The following ZNF211 variants were observed in gnomAD, a reference collection of about 807,000 sequenced individuals.
The protein encoded by ZNF211 is zinc finger protein C2H2-25.
A neutral mutation model predicts 12.1 loss-of-function variants in ZNF211; 18 were observed. That is an observed-to-expected ratio of 1.48 (90% CI 1.03 to 2.20). The LOEUF (loss-of-function observed/expected upper bound fraction) is 2.20, where lower values mean the gene tolerates loss of function less well. Ranked by LOEUF, ZNF211 falls within the 30% of genes most tolerant of loss-of-function variation. ZNF211 has a pLI of 0.00. For synonymous variants in ZNF211, 249 were observed against 246.0 expected (o/e 1.01, Z -0.11); for missense variants, 677 against 703.1 (o/e 0.96, Z 0.42).
Position 57,641,123 on chromosome 19 carries a change from A to G in ZNF211, c.676A>G (p.Asn226Asp). 1 of 1,614,214 alleles carries G rather than the reference A, an allele frequency of 6.2e-7. No individual in the cohort carries two copies. Among genetic ancestry groups the G allele is most frequent in the South Asian group, 1.1e-5 (1 of 91,086 alleles). ...CGCCACTCAAACAGGGGAGAAGCCA[A>G]ATAACAGTAACAAGTGTGCGGTGGC... is the stretch of plus-strand genomic sequence containing the variant. ...QDATQTGEKP[N>D]NSNKCAVAFY... Residue 226 changes from asparagine (N) to aspartate (D), a missense_variant, in exon 4 of 4, where the codon AAT becomes GAT. Transcript: ENST00000240731.
chr19:57,638,928 A>G (rs1004189134), intron 3 of ZNF211, among the ~76,000 whole-genome samples: 5 of 152,292 alleles, frequency 3.3e-5, no homozygotes, highest in East Asian at 1.9e-4. Context: ...TTCTTGCTCT[A>G]CTGAACCTTT....
intron 3 of ZNF211, among the ~76,000 whole-genome samples, chr19:57,637,459 T>G (rs1415773188): frequency 6.6e-6 from 1 of 152,162 alleles, no homozygotes; most frequent in Non-Finnish European, 1.5e-5. Context: ...CTTGCTATGT[T>G]ACACAGGCTG....
Position 57,643,238 on chromosome 19 carries a change from G to C in ZNF211, c.*1057G>C, listed in dbSNP as rs1411347529. On this transcript the variant is annotated 3_prime_UTR_variant, in exon 4 of 4. Transcript: ENST00000240731. Reference sequence around the variant, plus strand: ...TGATGGGGGAACCATAATTGGTGTGGAAACACTGGGTTACTAGGGAGTGAA... The same window carrying C: ...TGATGGGGGAACCATAATTGGTGTGCAAACACTGGGTTACTAGGGAGTGAA... Among the ~76,000 whole-genome samples, 1 of 152,000 alleles carries C rather than the reference G, an allele frequency of 6.6e-6. No individual in the cohort carries two copies. The highest frequency in any genetic ancestry group is 6.6e-5 in the Admixed American group (1 of 15,220).
At chr19:57,633,601 C>G in intron 1 of ZNF211, 165 bp downstream of exon 1, 1 of 1,527,572 alleles carries the variant, frequency 6.5e-7, no homozygotes, top group Non-Finnish European at 8.7e-7. Context: ...AGGGACAGGA[C>G]CGGCGCGTGC....
chr19:57,639,407 AC>A, intron 3 of ZNF211, among the ~76,000 whole-genome samples: 1 of 6,024 alleles, frequency 1.7e-4, no homozygotes, highest in Non-Finnish European at 3.8e-4. Flanking sequence ...TCCTTTATGT[AC>A]TTTTTTTTTT....
intron 1 of ZNF211, chr19:57,633,753 C>T (rs1355345985): frequency 1.4e-5 from 22 of 1,534,276 alleles, no homozygotes; most frequent in Non-Finnish European, 1.9e-5. Context: ...ACGAGAGACA[C>T]CATCTGAGTT....
chr19:57,633,360 C>A lies in ZNF211; in HGVS notation c.14C>A (p.Pro5His). The change falls in exon 1 of 4, where the codon CCC (proline) becomes CAC (histidine). Residue 5 changes from proline to histidine, a missense_variant. Coordinates refer to ENST00000240731, the MANE Select transcript of ZNF211 (RefSeq NM_006385.5). Reference sequence around the variant, plus strand: ...CTGGGGATAGCGATGCTCGGGTTCCCCCCGGGTCGCCCGCAGCTCCCGGTC... The same window carrying A: ...CTGGGGATAGCGATGCTCGGGTTCCACCCGGGTCGCCCGCAGCTCCCGGTC... MLGFPPGRPQLPVQL... is the reference protein window; with the variant it reads MLGFHPGRPQLPVQL... 1.3e-6 allele frequency: 2 copies of A among 1,596,504 alleles called. No individual in the cohort carries two copies. The highest frequency in any genetic ancestry group is 1.7e-6 in the Non-Finnish European group (2 of 1,174,838).
intron 3 of ZNF211, chr19:57,640,193 C>G (rs891116334): frequency 1.0e-5 from 12 of 1,154,472 alleles, no homozygotes; most frequent in African/African-American, 3.1e-5. Flanking sequence ...ATTTCTACTA[C>G]TTGTCATTTT....
At chr19:57,633,762 T>A in intron 1 of ZNF211, 3 of 1,535,492 alleles carry the variant, frequency 2.0e-6, no homozygotes, top group Non-Finnish European at 2.6e-6. Context: ...ACCATCTGAG[T>A]TAAATTTGAA....
rs774216694 is a variant in ZNF211 at position 57,640,849 on chromosome 19, T to G, written c.402T>G (p.Asp134Glu). 25 of 1,614,130 alleles carry G rather than the reference T, an allele frequency of 1.5e-5. No homozygotes were observed. In the South Asian group the frequency reaches 2.0e-4, roughly 13 times the overall value. Reference protein sequence around the residue: ...SCEICCLVLRDILHLAEHQGT... With the variant: ...SCEICCLVLREILHLAEHQGT... ...AAATATGTTGCCTGGTCTTGAGAGA[T>G]ATTTTGCACTTGGCTGAACACCAAG... Residue 134 changes from aspartate (D) to glutamate (E), a missense_variant, in exon 4 of 4, where the codon GAT (aspartate) becomes GAG (glutamate). Coordinates refer to ENST00000240731, the MANE Select transcript of ZNF211 (RefSeq NM_006385.5).
chr19:57,634,783 C>T (rs1981927525), intron 3 of ZNF211, 28 bp downstream of exon 3: 1 of 1,533,422 alleles, frequency 6.5e-7, no homozygotes, highest in Non-Finnish European at 8.8e-7. Context: ...ACCCTTGTGC[C>T]CTGGACTAGG....
chr19:57,633,238 G>T lies in ZNF211; in HGVS notation c.-109G>T. On this transcript the variant is annotated 5_prime_UTR_variant, in exon 1 of 4. Transcript: ENST00000240731. ...TCCCGGAGGTCCGTTCTGTCTGTCA[G>T]CCGCTTTGGTACGCTGCATCGGGAT... 8.7e-7 allele frequency: 1 copy of T among 1,145,224 alleles called. No homozygotes were observed. The highest frequency in any genetic ancestry group is 1.2e-6 in the Non-Finnish European group (1 of 847,324). The allele number at this position is 1,145,224 out of a possible 1,614,324, so 70.9% of individuals were successfully genotyped here.
intron 3 of ZNF211, among the ~76,000 whole-genome samples, chr19:57,640,475 G>A (rs1982745388): frequency 6.6e-6 from 1 of 152,108 alleles, no homozygotes; most frequent in African/African-American, 2.4e-5. Flanking sequence ...TCTTAGTCCT[G>A]GGCCATACCT....
In ZNF211 at chr19:57,641,257, T is replaced by G; in HGVS notation, c.810T>G (p.Phe270Leu). Reference sequence around the variant, plus strand: ...GAATCCTCACTAGAGAAGGACTTTTTGAGTGCAGTAAATGTGGGAAAGCAT... The same window carrying G: ...GAATCCTCACTAGAGAAGGACTTTTGGAGTGCAGTAAATGTGGGAAAGCAT... Reference protein sequence around the residue: ...DQRILTREGLFECSKCGKACT... With the variant: ...DQRILTREGLLECSKCGKACT... The change falls in exon 4 of 4, where the codon TTT becomes TTG. Residue 270 changes from phenylalanine to leucine, a missense_variant. Phe to Leu is a conservative substitution (Grantham distance 22). Transcript: ENST00000240731. 1 of 1,614,260 alleles carries G rather than the reference T, an allele frequency of 6.2e-7. No individual in the cohort carries two copies. The highest frequency in any genetic ancestry group is 8.5e-7 in the Non-Finnish European group (1 of 1,180,040).
At position 57,641,918 on chromosome 19, in the gene ZNF211, G is replaced by T. The variant is rs1983010497; in HGVS notation, c.1471G>T (p.Glu491Ter). 6.2e-7 allele frequency: 1 copy of T among 1,614,060 alleles called. No individual in the cohort carries two copies. The highest frequency in any genetic ancestry group is 1.3e-5 in the African/African-American group (1 of 74,932). ...GAACCACCAGAGAGTTCACACTGGA[G>T]AAAGACCTGTTGAGTGCAGTGAATG... ...LKNHQRVHTGERPVECSECSK... is the reference protein window; with the variant it reads ...LKNHQRVHTG Residue 491 changes from glutamate to a stop codon, truncating the protein, a stop_gained, in exon 4 of 4, where the codon GAA becomes TAA. Coordinates refer to ENST00000240731, the MANE Select transcript of ZNF211 (RefSeq NM_006385.5). LOFTEE classifies it low-confidence loss of function (END_TRUNC).
intron 2 of ZNF211, 21 bp downstream of exon 2, chr19:57,634,082 C>T: frequency 6.4e-7 from 1 of 1,553,432 alleles, no homozygotes; most frequent in Non-Finnish European, 8.7e-7. Context: ...GTATCTCAGC[C>T]CCTCACTGGT....
intron 3 of ZNF211, among the ~76,000 whole-genome samples, chr19:57,635,385 T>C (rs1982004920): frequency 6.6e-6 from 1 of 152,232 alleles, no homozygotes; most frequent in African/African-American, 2.4e-5. Context: ...ACTGAAACTT[T>C]GTACTCATTA....
chr19:57,641,127 A>G lies in ZNF211; in HGVS notation c.680A>G (p.Asn227Ser), dbSNP rs764236602. Residue 227 changes from asparagine to serine, a missense_variant, in exon 4 of 4, where the codon AAC becomes AGC. Transcript: ENST00000240731. ...DATQTGEKPN[N>S]SNKCAVAFYS... ...ACTCAAACAGGGGAGAAGCCAAATA[A>G]CAGTAACAAGTGTGCGGTGGCCTTT... 27 of 1,614,094 alleles carry G rather than the reference A, an allele frequency of 1.7e-5. No individual in the cohort carries two copies. The highest frequency in any genetic ancestry group is 2.3e-5 in the Non-Finnish European group (27 of 1,180,036).
chr19:57,636,611 A>G (rs1381163415), intron 3 of ZNF211, among the ~76,000 whole-genome samples: 1 of 152,176 alleles, frequency 6.6e-6, no homozygotes, highest in Non-Finnish European at 1.5e-5. Flanking sequence ...TTTAATTTCT[A>G]TAGCCTTGCA....
Sources: allele counts gnomAD v4.1 joint callset (sites outside exome capture counted in the v4.1 genomes callset), GRCh38; gene constraint gnomAD v4.1.1; transcripts MANE v1.5; gene names NCBI Gene and HGNC (gene_info 2026-07-23, HGNC 2026-07-21).